The following MKI67 variants were observed in gnomAD, a reference collection of about 807,000 sequenced individuals.
MKI67 encodes marker of proliferation Ki-67.
A neutral mutation model predicts 233.5 loss-of-function variants in MKI67; 152 were observed. That is an observed-to-expected ratio of 0.65 (90% confidence interval 0.57 to 0.74). The LOEUF is 0.74. Ranked by LOEUF, MKI67 falls within the 30% of genes least tolerant of loss-of-function variation. The pLI is 0.00. For synonymous variants in MKI67, 1,465 were observed against 1,418.5 expected, an observed-to-expected ratio of 1.03 and a Z score of -0.74; for missense variants, 3,940 against 3,885.2, an observed-to-expected ratio of 1.01 and a Z score of -0.37.
At chr10:128,099,383 T>C (rs1209754025) in intron 14 of MKI67, 128 bp from the exon 15 acceptor site, 22 of 517,208 alleles carry the variant, frequency 4.3e-5, no homozygotes, top group East Asian at 3.3e-4. Flanking sequence ...AAAATTAATT[T>C]TGAGGTTGGA....
In MKI67 at chr10:128,110,410, T is replaced by C. The variant is rs369619833; in HGVS notation, c.2384A>G (p.Glu795Gly). Residue 795 changes from glutamate to glycine, a missense_variant, in exon 12 of 15, where the codon GAA becomes GGA. Transcript: ENST00000368654. ...GKQFQGTDSGEEPLLPTSESF... is the reference protein window; with the variant it reads ...GKQFQGTDSGGEPLLPTSESF... ...CTCTGAGGTGGGGAGCAGAGGTTCT[T>C]CTCCTGAATCAGTTCCTTGAAACTG... 80 of 1,575,842 alleles carry C rather than the reference T, an allele frequency of 5.1e-5. No homozygotes were observed. Among genetic ancestry groups the C allele is most frequent in the Non-Finnish European group, 6.7e-5 (77 of 1,150,646 alleles).
At chr10:128,101,999 G>C (rs1342009068) in intron 13 of MKI67, among the ~76,000 whole-genome samples, 1 of 152,170 alleles carries the variant, frequency 6.6e-6, no homozygotes, top group Admixed American at 6.5e-5. Flanking sequence ...TTACATTATA[G>C]AAAGAAGGTC....
chr10:128,112,558 A>G, intron 8 of MKI67, 113 bp from the exon 9 acceptor site: 1 of 1,026,272 alleles, frequency 9.7e-7, no homozygotes. Flanking sequence ...TTGAAGCATC[A>G]AATGCTTAAG....
At position 128,108,782 on chromosome 10, in the gene MKI67, G is replaced by A. The variant is rs909789094; in HGVS notation, c.3058C>T (p.His1020Tyr). 7.4e-6 allele frequency: 12 copies of A among 1,614,206 alleles called. No individual in the cohort carries two copies. Among genetic ancestry groups the A allele is most frequent in the Non-Finnish European group, 1.0e-5 (12 of 1,180,046 alleles). ...LQPEPINTPTHTKQQLKASLG... is the reference protein window; with the variant it reads ...LQPEPINTPTYTKQQLKASLG... The stretch of plus-strand genomic sequence containing the variant: ...GATGCCTTCAACTGTTGTTTTGTGT[G>A]TGTTGGGGTGTTTATTGGTTCTGGT... The change falls in exon 13 of 15, where the codon CAC (histidine) becomes TAC (tyrosine). Residue 1020 changes from histidine to tyrosine, a missense_variant. Coordinates refer to ENST00000368654, the MANE Select transcript of MKI67 (RefSeq NM_002417.5).
chr10:128,108,853 T>C lies in MKI67; in HGVS notation c.2987A>G (p.Lys996Arg), dbSNP rs761374685. The change falls in exon 13 of 15, where the codon AAG (lysine) becomes AGG (arginine). Residue 996 changes from lysine to arginine, a missense_variant. Lys to Arg is a conservative substitution (Grantham distance 26). Coordinates refer to ENST00000368654, the MANE Select transcript of MKI67 (RefSeq NM_002417.5). The part of the protein sequence containing the change: ...LQTQDHAKAP[K>R]SEKGKITKMP... Reference sequence around the variant, plus strand: ...TTTAGTGATTTTGCCTTTCTCACTCTTTGGTGCCTTGGCATGATCTTGGGT... The same window carrying C: ...TTTAGTGATTTTGCCTTTCTCACTCCTTGGTGCCTTGGCATGATCTTGGGT... The C allele has an allele frequency of 2.5e-6, 4 of 1,614,220 alleles. No individual in the cohort carries two copies. The highest frequency in any genetic ancestry group is 2.5e-6 in the Non-Finnish European group (3 of 1,180,038).
Position 128,099,024 on chromosome 10 carries a change from A to C in MKI67, c.*166T>G. On this transcript the variant is annotated 3_prime_UTR_variant, in exon 15 of 15. Transcript: ENST00000368654. ...AGTCCAGGAGCCCAGCAGTGCTCCC[A>C]GTGGAGTTTATGAAGCCGATTCAGA... 1 of 549,448 alleles carries C rather than the reference A, an allele frequency of 1.8e-6. No homozygotes were observed. The highest frequency in any genetic ancestry group is 2.4e-5 in the South Asian group (1 of 42,240). 34.0% of individuals were successfully genotyped at this position (549,448 alleles called of 1,614,324 possible).
Position 128,110,434 on chromosome 10 carries a change from T to C in MKI67, c.2360A>G (p.Gln787Arg), listed in dbSNP as rs748111890. ...TTCTCCTGAATCAGTTCCTTGAAAC[T>C]GTTTTCCAAGCAAATTCTCTGAATT... ...ISNSENLLGK[Q>R]FQGTDSGEEP... Residue 787 changes from glutamine to arginine, a missense_variant, in exon 12 of 15, where the codon CAG becomes CGG. Transcript: ENST00000368654. 5.7e-6 allele frequency: 9 copies of C among 1,590,080 alleles called. No homozygotes were observed. The East Asian group carries it at 1.6e-4, about 28-fold the overall frequency.
At position 128,097,475 on chromosome 10, in the gene MKI67, G is replaced by T. The variant is rs889641941; in HGVS notation, c.*1715C>A. 2 of 152,138 alleles carry T rather than the reference G, an allele frequency of 1.3e-5. No homozygotes were observed. Among genetic ancestry groups the T allele is most frequent in the African/African-American group, 4.8e-5 (2 of 41,432 alleles). 9.4% of individuals were successfully genotyped at this position (152,138 alleles called of 1,614,324 possible). Reference sequence around the variant, plus strand: ...TACTTCAGCAAGATTTCTGGTTAGAGCTGAACTCTAAAGGATTTTTCTACT... The same window carrying T: ...TACTTCAGCAAGATTTCTGGTTAGATCTGAACTCTAAAGGATTTTTCTACT... On this transcript the variant is annotated 3_prime_UTR_variant, in exon 15 of 15. Transcript: ENST00000368654.
chr10:128,115,879 G>T lies in MKI67; in HGVS notation c.529C>A (p.Gln177Lys), dbSNP rs1314561665. Reference protein sequence around the residue: ...TADDSKDSVAQGTTNVHSSEH... With the variant: ...TADDSKDSVAKGTTNVHSSEH... ...GAGGAATGAACATTAGTTGTTCCCTGAGCAACACTGTCTTTTGAGTCATCT... is the reference window on the plus strand; with the variant it reads ...GAGGAATGAACATTAGTTGTTCCCTTAGCAACACTGTCTTTTGAGTCATCT... Residue 177 changes from glutamine to lysine, a missense_variant, in exon 7 of 15, where the codon CAG (glutamine) becomes AAG (lysine). Physicochemically the swap from Gln to Lys is moderately conservative, Grantham distance 53. Coordinates refer to ENST00000368654, the MANE Select transcript of MKI67 (RefSeq NM_002417.5). 1 of 1,609,040 alleles carries T rather than the reference G, an allele frequency of 6.2e-7. No individual in the cohort carries two copies. The highest frequency in any genetic ancestry group is 8.5e-7 in the Non-Finnish European group (1 of 1,180,036).
Position 128,108,444 on chromosome 10 carries a change from TGGA to T in MKI67, c.3393_3395del (p.Pro1134del). On this transcript the variant is annotated inframe_deletion, in exon 13 of 15. Transcript: ENST00000368654. The stretch of plus-strand genomic sequence containing the variant: ...TTGGAGTGTCCACTGATTCTGGTGG[TGGA>T]GATTTGCAGGCTATTTTGGTAGTTT... 1.2e-6 allele frequency: 2 copies of T among 1,614,084 alleles called. No homozygotes were observed. The highest frequency in any genetic ancestry group is 1.1e-5 in the South Asian group (1 of 91,080).
rs1191116105 is a variant in MKI67, at chr10:128,109,172, C to T, written c.2668G>A (p.Glu890Lys). Residue 890 changes from glutamate (E) to lysine (K), a missense_variant, in exon 13 of 15, where the codon GAA becomes AAA. Physicochemically the swap from Glu to Lys is moderately conservative, Grantham distance 56 (BLOSUM62 1). Transcript: ENST00000368654. Reference sequence around the variant, plus strand: ...GTATTTGTTTCTTCACTCTTACTTTCCACAGGTAGCTTCTGTATATTCCTG... The same window carrying T: ...GTATTTGTTTCTTCACTCTTACTTTTCACAGGTAGCTTCTGTATATTCCTG... ...EFRNIQKLPV[E>K]SKSEETNTEI... is the part of the protein sequence containing the mutation. 1.2e-6 allele frequency: 2 copies of T among 1,614,204 alleles called. No homozygotes were observed.
In MKI67 at chr10:128,105,462, C is replaced by T. The variant is rs1282632601; in HGVS notation, c.6378G>A (p.Gly2126=). The T allele has an allele frequency of 3.7e-6, 6 of 1,613,998 alleles. 1 individual carries two copies. The Middle Eastern group carries it at 4.9e-4, about 133-fold the overall frequency. ...STRRRPKTPL[G]KRDIVEELSA... is the part of the protein sequence containing the mutation. Reference sequence around the variant, plus strand: ...AGAGCTCTTCCACTATATCCCTTTTCCCCAAAGGTGTTTTGGGCCGCCTCC... The same window carrying T: ...AGAGCTCTTCCACTATATCCCTTTTTCCCAAAGGTGTTTTGGGCCGCCTCC... Residue 2126 remains glycine (G), a synonymous_variant, in exon 13 of 15, where the codon GGG becomes GGA. Transcript: ENST00000368654.
At chr10:128,099,813 C>T (rs533093321) in intron 14 of MKI67, among the ~76,000 whole-genome samples, 21 of 152,282 alleles carry the variant, frequency 1.4e-4, no homozygotes, top group African/African-American at 4.8e-4. Flanking sequence ...CGACACCCAC[C>T]GAAGAGCTCG....
Position 128,104,110 on chromosome 10 carries a change from G to A in MKI67, c.7730C>T (p.Thr2577Ile), listed in dbSNP as rs767834614. Residue 2577 changes from threonine to isoleucine, a missense_variant, in exon 13 of 15, where the codon ACT becomes ATT. By Grantham distance (89) the Thr-to-Ile change is moderately conservative. Transcript: ENST00000368654. ...SAPGHTEESM[T>I]IDKNTKIPCK... is the part of the protein sequence containing the mutation. ...GGGAATTTTTGTGTTTTTGTCAATA[G>A]TCATTGACTCTTCAGTGTGACCTGG... 6 of 1,613,960 alleles carry A rather than the reference G, an allele frequency of 3.7e-6. No homozygotes were observed. Among genetic ancestry groups the A allele is most frequent in the Non-Finnish European group, 5.1e-6 (6 of 1,180,024 alleles).
At chr10:128,116,818 A>C (rs1357778269) in intron 5 of MKI67, among the ~76,000 whole-genome samples, 21 of 152,194 alleles carry the variant, frequency 1.4e-4, no homozygotes, top group Admixed American at 1.4e-3. Context: ...GAGGCAGGAG[A>C]ATTGCTGGAA....
At chr10:128,121,220 AAATC>A (rs985304349) in intron 4 of MKI67, among the ~76,000 whole-genome samples, 7 of 151,604 alleles carry the variant, frequency 4.6e-5, no homozygotes, top group African/African-American at 1.7e-4. Flanking sequence ...AGATAAAAAC[AAATC>A]AATCAATCAA....
Position 128,104,750 on chromosome 10 carries a change from G to A in MKI67, c.7090C>T (p.Leu2364Phe). Residue 2364 changes from leucine (L) to phenylalanine (F), a missense_variant, in exon 13 of 15, where the codon CTC becomes TTC. By Grantham distance (22) the Leu-to-Phe change is conservative. Transcript: ENST00000368654. ...TCTTCCTCTACGTCTGCTTTCCTGAGGTTTCTCTTGGGCCGTTGCTTTGTG... is the reference window on the plus strand; with the variant it reads ...TCTTCCTCTACGTCTGCTTTCCTGAAGTTTCTCTTGGGCCGTTGCTTTGTG... ...ASTKQRPKRN[L>F]RKADVEEEFL... 1.2e-6 allele frequency: 2 copies of A among 1,613,710 alleles called. No individual in the cohort carries two copies. Among genetic ancestry groups the A allele is most frequent in the Non-Finnish European group, 1.7e-6 (2 of 1,179,974 alleles).
At chr10:128,118,397 G>GAAAAAAAAAAAAAAAA (rs572037256) in intron 5 of MKI67, among the ~76,000 whole-genome samples, 1 of 56,094 alleles carries the variant, frequency 1.8e-5, no homozygotes, top group Non-Finnish European at 3.6e-5. Flanking sequence ...CTCCGTCTCA[G>GAAAAAAAAAAAAAAAA]AAAAAAAAAA....
At position 128,120,532 on chromosome 10, in the gene MKI67, A is replaced by G. The variant is rs989222291; in HGVS notation, c.288-1213T>C. On this transcript the variant is annotated intron_variant, in intron 4 of 14. Transcript: ENST00000368654. ...AACAAACAAAAAGAAAAAGAAAAAA[A>G]GAAAAACTTCCTACATAGAAGTCTG... 7.9e-5 allele frequency among the ~76,000 whole-genome samples: 12 copies of G among 152,234 alleles called. No individual in the cohort carries two copies. In the South Asian group the frequency reaches 2.1e-3, roughly 26 times the overall value.
Sources: allele counts gnomAD v4.1 joint callset (sites outside exome capture counted in the v4.1 genomes callset), GRCh38; gene constraint gnomAD v4.1.1; transcripts MANE v1.5; gene names NCBI Gene and HGNC (gene_info 2026-07-23, HGNC 2026-07-21).